The following LMNTD1 variants were observed in gnomAD, a reference collection of about 807,000 sequenced individuals.
The protein encoded by LMNTD1 is lamin tail domain containing 1.
LMNTD1 carries 35 observed loss-of-function variants against 50.9 expected under a neutral mutation model. The observed-to-expected ratio is 0.69, with a 90% CI of 0.53 to 0.91. LMNTD1 has a LOEUF of 0.91. Among genes scored for constraint, LMNTD1 ranks in the 40% least tolerant of loss-of-function variants. LMNTD1 has a pLI of 0.00. For missense variants in LMNTD1, 470 were observed against 475.5 expected (o/e 0.99, Z 0.11); for synonymous variants, 153 against 161.9 (o/e 0.94, Z 0.42).
Position 25,518,804 on chromosome 12 carries a change from G to T in LMNTD1, c.1180C>A (p.Arg394=). Residue 394 remains arginine, a synonymous_variant, in exon 8 of 10, where the codon CGA becomes AGA. Transcript: ENST00000458174. ...CACTCTTTTAACTGACCTGAGGCTC[G>T]ATTAGGTCTGGTTGACCGAGTCCTG... ...QPRTRSTRPN[R]ASGSKKKKTS... is the part of the protein sequence containing the mutation. 1 of 1,614,014 alleles carries T rather than the reference G, an allele frequency of 6.2e-7. No individual in the cohort carries two copies. Among genetic ancestry groups the T allele is most frequent in the Non-Finnish European group, 8.5e-7 (1 of 1,179,960 alleles).
chr12:25,480,678 G>T (rs1057012560), intron 9 of LMNTD1, among the ~76,000 whole-genome samples: 7 of 152,104 alleles, frequency 4.6e-5, no homozygotes, highest in African/African-American at 1.7e-4. Flanking sequence ...ATTTTTCTCT[G>T]CTAAGTTTAT....
intron 6 of LMNTD1, 136 bp downstream of exon 6, chr12:25,525,963 T>C (rs1205976110): frequency 4.0e-6 from 2 of 498,354 alleles, no homozygotes; most frequent in Admixed American, 4.4e-5. Flanking sequence ...AATAATCTTT[T>C]AGGCATAAAG....
intron 9 of LMNTD1, 98 bp from the exon 10 acceptor site, chr12:25,476,558 A>C (rs1171352939): frequency 1.3e-5 from 2 of 152,214 alleles, no homozygotes; most frequent in Admixed American, 6.5e-5. Flanking sequence ...TTTAATCCAT[A>C]CCATAGTTCT....
intron 4 of LMNTD1, among the ~76,000 whole-genome samples, chr12:25,536,926 G>A (rs1432628775): frequency 6.6e-6 from 1 of 152,214 alleles, no homozygotes; most frequent in African/African-American, 2.4e-5. Context: ...AAGCACAAGG[G>A]GTCAGGGAGT....
At chr12:25,502,127 C>T (rs534779154) in intron 9 of LMNTD1, among the ~76,000 whole-genome samples, 1 of 152,008 alleles carries the variant, frequency 6.6e-6, no homozygotes, top group Non-Finnish European at 1.5e-5. Flanking sequence ...AAAATAATAA[C>T]CGAGGAAGAT....
chr12:25,495,769 G>T (rs1183282198), intron 9 of LMNTD1, among the ~76,000 whole-genome samples: 1 of 152,188 alleles, frequency 6.6e-6, no homozygotes, highest in Non-Finnish European at 1.5e-5. Flanking sequence ...CAGCAAGATA[G>T]TGGAGGCATT....
intron 4 of LMNTD1, among the ~76,000 whole-genome samples, chr12:25,542,208 C>A (rs1943128947): frequency 6.6e-6 from 1 of 152,054 alleles, no homozygotes; most frequent in African/African-American, 2.4e-5. Context: ...TTGACCCAGC[C>A]TCCCATTACT....
chr12:25,519,547 C>T (rs1340379736), intron 7 of LMNTD1, among the ~76,000 whole-genome samples: 3 of 131,620 alleles, frequency 2.3e-5, no homozygotes, highest in African/African-American at 8.4e-5. Context: ...GAGATGGCGC[C>T]ACTGCACTCC....
At chr12:25,616,448 T>C (rs1946355921) in intron 1 of LMNTD1, among the ~76,000 whole-genome samples, 1 of 152,196 alleles carries the variant, frequency 6.6e-6, no homozygotes, top group South Asian at 2.1e-4. Context: ...GGTTACATAC[T>C]GTATGATTAC....
intron 3 of LMNTD1, among the ~76,000 whole-genome samples, 180 bp from the exon 4 acceptor site, chr12:25,546,734 C>T (rs1439223067): frequency 6.6e-6 from 1 of 151,624 alleles, no homozygotes; most frequent in African/African-American, 2.4e-5. Flanking sequence ...ATAAAATAAT[C>T]AGTAAGTGGA....
chr12:25,480,929 A>G (rs1460598380), intron 9 of LMNTD1, among the ~76,000 whole-genome samples: 1 of 152,150 alleles, frequency 6.6e-6, no homozygotes, highest in Non-Finnish European at 1.5e-5. Flanking sequence ...CTATTCCGTA[A>G]AGTCAAGAAT....
chr12:25,497,555 T>G (rs1939131992), intron 9 of LMNTD1: 2 of 152,280 alleles, frequency 1.3e-5, no homozygotes, highest in African/African-American at 4.8e-5. Context: ...CCCAGCACTT[T>G]GGGAGGCCAA....
intron 8 of LMNTD1, among the ~76,000 whole-genome samples, chr12:25,516,165 G>A (rs1678556): frequency 0.74 from 112,555 of 151,902 alleles, 42,611 homozygotes; most frequent in East Asian, 0.88. Flanking sequence ...CATCTTTTGT[G>A]GTAGAAATCA....
In LMNTD1 at chr12:25,546,453, T is replaced by C. The variant is rs1468287404; in HGVS notation, c.412A>G (p.Thr138Ala). ...LSLFGDSKKL[T>A]AHSNYTQKTL... ...TTCTGAGTGTAGTTTGAGTGTGCTG[T>C]AAGTTTCTTTGAATCACCAAACAAA... Residue 138 changes from threonine (T) to alanine (A), a missense_variant, in exon 4 of 10, where the codon ACA becomes GCA. Coordinates refer to ENST00000458174, the MANE Select transcript of LMNTD1 (RefSeq NM_001145728.2). The C allele has an allele frequency of 1.2e-6, 2 of 1,602,302 alleles. No homozygotes were observed. Among genetic ancestry groups the C allele is most frequent in the Non-Finnish European group, 1.7e-6 (2 of 1,173,096 alleles).
At chr12:25,581,065 C>G (rs1351076704) in intron 1 of LMNTD1, among the ~76,000 whole-genome samples, 1 of 152,122 alleles carries the variant, frequency 6.6e-6, no homozygotes, top group Non-Finnish European at 1.5e-5. Flanking sequence ...TCTCTCCAAT[C>G]AAAAGAGAGG....
At chr12:25,648,555 G>C, upstream of LMNTD1, 1 of 1,551,322 alleles carries the variant, frequency 6.4e-7, no homozygotes, top group Non-Finnish European at 8.7e-7. Flanking sequence ...GTTGCATGTA[G>C]TGTCCTTAAG....
At chr12:25,482,541 T>G (rs1414943276) in intron 9 of LMNTD1, among the ~76,000 whole-genome samples, 1 of 152,036 alleles carries the variant, frequency 6.6e-6, no homozygotes, top group Non-Finnish European at 1.5e-5. Flanking sequence ...TTGAACAAAA[T>G]CAGCTAAATT....
intron 1 of LMNTD1, among the ~76,000 whole-genome samples, chr12:25,639,930 A>T (rs1242031458): frequency 6.6e-6 from 1 of 152,250 alleles, no homozygotes; most frequent in Non-Finnish European, 1.5e-5. Flanking sequence ...GAATAAACAA[A>T]ATGTGGCATA....
intron 9 of LMNTD1, among the ~76,000 whole-genome samples, chr12:25,488,993 C>G (rs1454008411): frequency 2.6e-5 from 4 of 152,196 alleles, no homozygotes; most frequent in Non-Finnish European, 5.9e-5. Context: ...GTTCTCAGAT[C>G]TCCAGCTGTG....
Sources: allele counts gnomAD v4.1 joint callset (sites outside exome capture counted in the v4.1 genomes callset), GRCh38; gene constraint gnomAD v4.1.1; transcripts MANE v1.5; gene names NCBI Gene and HGNC (gene_info 2026-07-23, HGNC 2026-07-21).